The following PHF20L1 variants were observed in gnomAD, a reference collection of about 807,000 sequenced individuals.
PHF20L1 encodes PHD finger protein 20 like 1.
A neutral mutation model predicts 125.5 loss-of-function variants in PHF20L1; 44 were observed. That is an observed-to-expected ratio of 0.35 (90% CI 0.28 to 0.45). The LOEUF (loss-of-function observed/expected upper bound fraction) is 0.45. PHF20L1 is among the 20% of genes least tolerant of loss of function. The pLI is 1.00. For synonymous variants in PHF20L1, 380 were observed against 403.1 expected (o/e 0.94, Z 0.69); for missense variants, 1,012 against 1,217.2 (o/e 0.83, Z 2.51).
rs1563849145 is a variant in PHF20L1 at position 132,836,538 on chromosome 8, A to G, written c.1910-2A>G. 1.3e-6 allele frequency: 2 copies of G among 1,589,598 alleles called. No homozygotes were observed. The highest frequency in any genetic ancestry group is 1.7e-6 in the Non-Finnish European group (2 of 1,159,188). On this transcript the variant is annotated splice_acceptor_variant, in intron 15 of 20. Transcript: ENST00000395386. LOFTEE classifies it high-confidence loss of function. ...TAAGTATACTTTTTGTATATATTCT[A>G]GACTTATCAGATGTAGACTTCCTAG... is the stretch of plus-strand genomic sequence containing the variant.
chr8:132,781,629 C>T (rs542835761), intron 2 of PHF20L1, among the ~76,000 whole-genome samples: 6 of 152,178 alleles, frequency 3.9e-5, no homozygotes, highest in African/African-American at 1.4e-4. Context: ...GATGGGGTTT[C>T]GCCATGTTGT....
intron 14 of PHF20L1, among the ~76,000 whole-genome samples, chr8:132,829,035 G>A (rs867190838): frequency 4.6e-5 from 7 of 152,002 alleles, no homozygotes; most frequent in Non-Finnish European, 8.8e-5. Flanking sequence ...TTATGTAGGA[G>A]ACTACTTCTG....
chr8:132,841,210 T>G (rs115401985), intron 18 of PHF20L1, among the ~76,000 whole-genome samples: 2,841 of 152,196 alleles, frequency 0.019, 88 homozygotes, highest in African/African-American at 0.066. Context: ...TTATTGAAAG[T>G]CCTACACGTC....
chr8:132,781,651 T>C (rs1830443650), intron 2 of PHF20L1, among the ~76,000 whole-genome samples: 1 of 152,160 alleles, frequency 6.6e-6, no homozygotes, highest in Non-Finnish European at 1.5e-5. Context: ...TGGGATAGTC[T>C]CCATCTCTTG....
intron 6 of PHF20L1, 125 bp from the exon 7 acceptor site, chr8:132,803,694 C>G (rs1448853608): frequency 3.3e-6 from 2 of 608,650 alleles, no homozygotes; most frequent in East Asian, 5.5e-5. Context: ...ATTGTTATCT[C>G]TATATTTATG....
intron 10 of PHF20L1, 103 bp from the exon 11 acceptor site, chr8:132,816,785 C>A: frequency 1.2e-6 from 1 of 800,824 alleles, no homozygotes; most frequent in Non-Finnish European, 2.0e-6. Flanking sequence ...ATAACAACAT[C>A]AGAGGGAAGA....
At chr8:132,843,862 A>G in intron 19 of PHF20L1, 1 of 985,242 alleles carries the variant, frequency 1.0e-6, no homozygotes, top group Non-Finnish European at 1.2e-6. Flanking sequence ...TTAATCAGGA[A>G]TTCTAATTAC....
At chr8:132,844,390 T>A (rs1838233702) in intron 20 of PHF20L1, 72 bp downstream of exon 20, 1 of 1,261,490 alleles carries the variant, frequency 7.9e-7, no homozygotes, top group African/African-American at 1.5e-5. Context: ...TTACTTAAAA[T>A]TCTTAAATTA....
rs935122814 is a variant in PHF20L1 at position 132,838,794 on chromosome 8, A to G, written c.2192-593A>G. Among the ~76,000 whole-genome samples the G allele has an allele frequency of 2.6e-5, 4 of 152,174 alleles. No homozygotes were observed. The East Asian group carries it at 5.8e-4, about 22-fold the overall frequency. ...TGTAGACATTTGTTATTTATTCAGA[A>G]GCATTTACTGGATGGCTTCTATTTG... On this transcript the variant is annotated intron_variant, in intron 17 of 20. Coordinates refer to ENST00000395386, the MANE Select transcript of PHF20L1 (RefSeq NM_016018.5).
In PHF20L1 at chr8:132,844,217, G is replaced by T; in HGVS notation, c.2810G>T (p.Gly937Val). ...GATAAAAAGGGCACCGAAGACCCAG[G>T]AGACTCACATCTTCAGTGGCAGCTC... ...YNDKKGTEDP[G>V]DSHLQWQLNL... The change falls in exon 20 of 21, where the codon GGA becomes GTA. Residue 937 changes from glycine (G) to valine (V), a missense_variant. By Grantham distance (109) the Gly-to-Val change is moderately radical. Transcript: ENST00000395386. 6.2e-7 allele frequency: 1 copy of T among 1,612,946 alleles called. No individual in the cohort carries two copies. The highest frequency in any genetic ancestry group is 8.5e-7 in the Non-Finnish European group (1 of 1,179,224).
In PHF20L1 at chr8:132,842,745, G is replaced by C; in HGVS notation, c.2618G>C (p.Cys873Ser). Residue 873 changes from cysteine to serine, a missense_variant, in exon 19 of 21, where the codon TGT becomes TCT. Cys to Ser is a moderately radical substitution (Grantham distance 112). Around this residue, in one of 7 missense-constraint regions of PHF20L1, gnomAD observed 277 missense variants for 283.6 expected, o/e 0.98. Coordinates refer to ENST00000395386, the MANE Select transcript of PHF20L1 (RefSeq NM_016018.5). ...YQKPQSFGQD[C>S]KSLADPGSSD... ...AAGCCACAAAGTTTTGGTCAGGACTGTAAATCTCTCGCAGACCCTGGGAGC... is the reference window on the plus strand; with the variant it reads ...AAGCCACAAAGTTTTGGTCAGGACTCTAAATCTCTCGCAGACCCTGGGAGC... The C allele has an allele frequency of 6.2e-7, 1 of 1,613,402 alleles. No individual in the cohort carries two copies. Among genetic ancestry groups the C allele is most frequent in the Non-Finnish European group, 8.5e-7 (1 of 1,179,600 alleles).
chr8:132,777,192 T>G (rs1829904890), intron 1 of PHF20L1, among the ~76,000 whole-genome samples: 1 of 152,194 alleles, frequency 6.6e-6, no homozygotes, highest in Non-Finnish European at 1.5e-5. Context: ...AATTATTGAA[T>G]TATGTGCTAC....
chr8:132,785,389 C>T (rs1190105343), intron 2 of PHF20L1, among the ~76,000 whole-genome samples: 2 of 152,146 alleles, frequency 1.3e-5, no homozygotes, highest in African/African-American at 2.4e-5. Flanking sequence ...ACAGAAATGG[C>T]ATCTGCAGAT....
chr8:132,781,950 T>G (rs566711926), intron 2 of PHF20L1, among the ~76,000 whole-genome samples: 23 of 152,346 alleles, frequency 1.5e-4, no homozygotes, highest in African/African-American at 5.5e-4. Context: ...TTAAAAATAT[T>G]ATAGCTTTAC....
At position 132,804,595 on chromosome 8, in the gene PHF20L1, A is replaced by G; in HGVS notation, c.722-20A>G. 2 of 1,582,982 alleles carry G rather than the reference A, an allele frequency of 1.3e-6. No individual in the cohort carries two copies. The highest frequency in any genetic ancestry group is 1.7e-6 in the Non-Finnish European group (2 of 1,156,112). ...TTGGATTCTAGATAAACTCTCATAT[A>G]TGTGTTCTGTTGAAAGTAGGACTTC... On this transcript the variant is annotated intron_variant, in intron 7 of 20. Coordinates refer to ENST00000395386, the MANE Select transcript of PHF20L1 (RefSeq NM_016018.5).
intron 1 of PHF20L1, among the ~76,000 whole-genome samples, chr8:132,776,731 T>A (rs13262516): frequency 9.9e-5 from 15 of 152,250 alleles, no homozygotes; most frequent in African/African-American, 3.6e-4. Context: ...TTATAAAAGA[T>A]GACAAGTGTG....
chr8:132,840,942 A>G (rs1046096062), intron 18 of PHF20L1, among the ~76,000 whole-genome samples: 6 of 152,122 alleles, frequency 3.9e-5, no homozygotes, highest in Admixed American at 1.3e-4. Context: ...TATTTGTTGA[A>G]TAAAATTTGC....
chr8:132,828,756 AATC>A (rs1257614368), intron 14 of PHF20L1, among the ~76,000 whole-genome samples: 1 of 152,032 alleles, frequency 6.6e-6, no homozygotes, highest in Non-Finnish European at 1.5e-5. Flanking sequence ...ACTTTGAGCA[AATC>A]ACTTCATCTG....
chr8:132,829,983 T>C (rs13263530), intron 14 of PHF20L1, among the ~76,000 whole-genome samples: 14,907 of 152,124 alleles, frequency 0.098, 987 homozygotes, highest in East Asian at 0.35. Flanking sequence ...TTCCCATTGC[T>C]GCTGTTGCAA....
Sources: gnomAD v4.1 joint callset for allele counts (sites outside exome capture counted in the v4.1 genomes callset) on GRCh38, gnomAD v4.1.1 for gene constraint, gnomAD v4.1.1 regional missense constraint, MANE v1.5 for transcripts, NCBI Gene and HGNC (gene_info 2026-07-23, HGNC 2026-07-21) for gene names.